The following ME2 variants were observed in gnomAD, a reference collection of about 807,000 sequenced individuals.
ME2 encodes malic enzyme 2, also known as NAD-dependent malic enzyme, mitochondrial.
In ME2, 60 loss-of-function variants were observed where a neutral mutation model predicts 73.7. That is an observed-to-expected ratio of 0.81 (90% confidence interval 0.66 to 1.01). ME2 has a LOEUF of 1.01. ME2 is among the 50% of genes least tolerant of loss of function. The probability of loss-of-function intolerance (pLI) is 0.00; values close to 1 mark genes in which losing one functional copy is unlikely to be tolerated. For missense variants in ME2, 594 were observed against 705.5 expected, an observed-to-expected ratio of 0.84 and a Z score of 1.79; for synonymous variants, 199 against 236.9, an observed-to-expected ratio of 0.84 and a Z score of 1.47.
At chr18:50,914,031 T>A (rs867902092) in intron 4 of ME2, among the ~76,000 whole-genome samples, 3 of 152,194 alleles carry the variant, frequency 2.0e-5, no homozygotes, top group African/African-American at 7.2e-5. Context: ...CCTTGTCTAG[T>A]GGCTTTCAAA....
intron 2 of ME2, among the ~76,000 whole-genome samples, chr18:50,905,744 G>C (rs1016349563): frequency 6.6e-6 from 1 of 152,198 alleles, no homozygotes; most frequent in Non-Finnish European, 1.5e-5. Flanking sequence ...ATTATGATAG[G>C]AGGCTTTGGA....
chr18:50,947,131 G>A lies in ME2; in HGVS notation c.1702G>A (p.Asp568Asn). The A allele has an allele frequency of 6.2e-7, 1 of 1,613,938 alleles. No homozygotes were observed. Among genetic ancestry groups the A allele is most frequent in the South Asian group, 1.1e-5 (1 of 91,064 alleles). ...GAGTGAATATGATTCCCTGCTGCCA[G>A]ATGTGTATGAATGGCCAGAATCTGC... is the stretch of plus-strand genomic sequence containing the variant. ...WRSEYDSLLP[D>N]VYEWPESASS... The change falls in exon 16 of 16, where the codon GAT (aspartate) becomes AAT (asparagine). Residue 568 changes from aspartate to asparagine, a missense_variant. Transcript: ENST00000321341.
At chr18:50,938,328 A>C (rs1273323800) in intron 13 of ME2, among the ~76,000 whole-genome samples, 1 of 152,098 alleles carries the variant, frequency 6.6e-6, no homozygotes, top group African/African-American at 2.4e-5. Context: ...TGTTGCCAAA[A>C]AAATTTTTTT....
intron 7 of ME2, among the ~76,000 whole-genome samples, chr18:50,919,698 G>A (rs1482147045): frequency 6.6e-6 from 1 of 151,968 alleles, no homozygotes; most frequent in African/African-American, 2.4e-5. Flanking sequence ...TATGAGCTAC[G>A]TATCACTGGC....
chr18:50,901,753 C>T (rs1916896790), intron 2 of ME2, among the ~76,000 whole-genome samples: 1 of 152,110 alleles, frequency 6.6e-6, no homozygotes, highest in African/African-American at 2.4e-5. Flanking sequence ...CACTTTTGTT[C>T]TTCCTGCCTC....
chr18:50,935,145 G>A (rs182870618), intron 13 of ME2: 1 of 152,196 alleles, frequency 6.6e-6, no homozygotes, highest in African/African-American at 2.4e-5. Context: ...CAAGTGCCCA[G>A]CGGAAGCAAA....
rs1490257519 is a variant in ME2, at chr18:50,952,495, TAAGTC to T, written c.*5316_*5320del. On this transcript the variant is annotated 3_prime_UTR_variant, in exon 16 of 16. Transcript: ENST00000321341. ...GTTCAGTTGCATAAAATAGACACAT[TAAGTC>T]AAGTGATTTGAATGCTTAGTGTCTT... The T allele has an allele frequency of 1.3e-5, 2 of 152,206 alleles. No homozygotes were observed. The highest frequency in any genetic ancestry group is 2.1e-4 in the South Asian group (1 of 4,834). 9.4% of individuals were successfully genotyped at this position (152,206 alleles called of 1,614,324 possible).
In ME2 at chr18:50,920,380, C is replaced by A. The variant is rs1475151069; in HGVS notation, c.735-76C>A. ...ATAATACATTATTTTTGAATGCTAT[C>A]ATAGGGAATATTAGGTGGAAAGCTG... On this transcript the variant is annotated intron_variant, in intron 7 of 15. Coordinates refer to ENST00000321341, the MANE Select transcript of ME2 (RefSeq NM_002396.5). 6 of 1,007,490 alleles carry A rather than the reference C, an allele frequency of 6.0e-6. No individual in the cohort carries two copies. In the East Asian group the frequency reaches 1.5e-4, roughly 26 times the overall value. The allele number at this position is 1,007,490 out of a possible 1,614,324, so 62.4% of individuals were successfully genotyped here.
chr18:50,881,166 C>T (rs1487427646), intron 1 of ME2, among the ~76,000 whole-genome samples: 2 of 152,130 alleles, frequency 1.3e-5, no homozygotes, highest in Non-Finnish European at 2.9e-5. Context: ...GTAGCTGGGA[C>T]TACAGGCATG....
chr18:50,937,777 G>A (rs1917851163), intron 13 of ME2, among the ~76,000 whole-genome samples: 1 of 152,010 alleles, frequency 6.6e-6, no homozygotes, highest in African/African-American at 2.4e-5. Context: ...TAAAAAGAGA[G>A]CAAAGGACAG....
chr18:50,896,562 G>A (rs560275824), intron 2 of ME2, among the ~76,000 whole-genome samples: 16 of 152,070 alleles, frequency 1.1e-4, no homozygotes, highest in Non-Finnish European at 2.2e-4. Context: ...TTTTTTAGTG[G>A]CAATATTAAA....
rs185642474 is a variant in ME2 at position 50,906,770 on chromosome 18, G to A, written c.109-1293G>A. On this transcript the variant is annotated intron_variant, in intron 2 of 15. Transcript: ENST00000321341. ...CAAGTGGCTCTGTGTGCATGTTGCG[G>A]CATACCTCCAGCACTGAACCAGGCA... Among the ~76,000 whole-genome samples, 9 of 152,282 alleles carry A rather than the reference G, an allele frequency of 5.9e-5. No individual in the cohort carries two copies. The East Asian group carries it at 1.7e-3, about 29-fold the overall frequency.
At chr18:50,925,717 T>C (rs781617273) in intron 11 of ME2, 39 bp from the exon 12 acceptor site, 2 of 1,590,634 alleles carry the variant, frequency 1.3e-6, no homozygotes, top group South Asian at 1.1e-5. Context: ...CTTTTATACC[T>C]ATAATGAAGT....
chr18:50,919,485 A>C (rs1261902750), intron 7 of ME2, among the ~76,000 whole-genome samples: 1 of 152,168 alleles, frequency 6.6e-6, no homozygotes, highest in East Asian at 1.9e-4. Flanking sequence ...TTGGACAACC[A>C]AATAGTACCT....
chr18:50,941,681 G>GT (rs1452007243), intron 15 of ME2, among the ~76,000 whole-genome samples: 1 of 79,886 alleles, frequency 1.3e-5, no homozygotes, highest in Non-Finnish European at 2.3e-5. Context: ...GGGCTGTGAT[G>GT]GTTTTTTTTT....
At chr18:50,922,365 G>A (rs983423363) in intron 10 of ME2, among the ~76,000 whole-genome samples, 4 of 152,296 alleles carry the variant, frequency 2.6e-5, no homozygotes, top group East Asian at 1.9e-4. Context: ...TATAAGTGAC[G>A]GAGGTAGGAT....
intron 5 of ME2, 63 bp from the exon 6 acceptor site, chr18:50,917,284 A>G (rs2144231936): frequency 7.4e-7 from 1 of 1,346,228 alleles, no homozygotes; most frequent in African/African-American, 1.4e-5. Flanking sequence ...AATCTTTTAA[A>G]AAATGCTTTT....
intron 13 of ME2, chr18:50,932,911 G>C (rs1392188807): frequency 1.3e-5 from 2 of 152,354 alleles, no homozygotes; most frequent in East Asian, 3.8e-4. Context: ...CCATCCCAAA[G>C]TGCTGGGATT....
intron 2 of ME2, among the ~76,000 whole-genome samples, chr18:50,905,047 C>T (rs574921854): frequency 1.3e-5 from 2 of 152,036 alleles, no homozygotes; most frequent in South Asian, 4.2e-4. Flanking sequence ...AGTGCGGTGG[C>T]ACGATCTTGG....
Sources: gnomAD v4.1 joint callset for allele counts (sites outside exome capture counted in the v4.1 genomes callset) on GRCh38, gnomAD v4.1.1 for gene constraint, MANE v1.5 for transcripts, NCBI Gene and HGNC (gene_info 2026-07-23, HGNC 2026-07-21) for gene names.